LYST: variants seen among roughly 807,000 people sequenced by gnomAD.
The protein encoded by LYST is lysosomal-trafficking regulator.
In LYST, 192 loss-of-function variants were observed where a neutral mutation model predicts 413.6. The observed-to-expected ratio is 0.46, with a 90% CI of 0.41 to 0.52. The LOEUF is 0.52. Among genes scored for constraint, LYST ranks in the 20% least tolerant of loss-of-function variants. The pLI, the probability that LYST is intolerant of heterozygous loss-of-function variation, is 0.00. For missense variants in LYST, 3,815 were observed against 4,499.9 expected (o/e 0.85, Z 4.35); for synonymous variants, 1,525 against 1,567.3 (o/e 0.97, Z 0.64).
At chr1:235,722,260 T>G (rs10926498) in intron 39 of LYST, among the ~76,000 whole-genome samples, 5,646 of 152,212 alleles carry the variant, frequency 0.037, 352 homozygotes, top group African/African-American at 0.13. Flanking sequence ...TTGGAAGGAC[T>G]TTGCCTTTAA....
intron 44 of LYST, among the ~76,000 whole-genome samples, chr1:235,707,685 A>G (rs1200279298): frequency 6.6e-6 from 1 of 152,176 alleles, no homozygotes; most frequent in African/African-American, 2.4e-5. Flanking sequence ...ATTTATCTTA[A>G]GGAAGTAAAG....
chr1:235,700,418 A>T (rs1157463012), intron 45 of LYST, among the ~76,000 whole-genome samples: 1 of 152,248 alleles, frequency 6.6e-6, no homozygotes, highest in Non-Finnish European at 1.5e-5. Context: ...AAAAGTGGGC[A>T]AAGGATATGA....
intron 48 of LYST, among the ~76,000 whole-genome samples, chr1:235,685,824 C>T (rs1362339505): frequency 2.7e-5 from 4 of 147,942 alleles, no homozygotes; most frequent in African/African-American, 1.0e-4. Flanking sequence ...CTGGCCTGGG[C>T]GACAGAGTGA....
At chr1:235,858,050 A>T (rs2103140673) in intron 1 of LYST, among the ~76,000 whole-genome samples, 1 of 152,284 alleles carries the variant, frequency 6.6e-6, no homozygotes, top group East Asian at 1.9e-4. Flanking sequence ...TCCTTTCCAC[A>T]CAGAAGCTAT....
chr1:235,697,179 C>G lies in LYST; in HGVS notation c.10468G>C (p.Gly3490Arg). The change falls in exon 46 of 53, where the codon GGA becomes CGA. Residue 3490 changes from glycine (G) to arginine (R), a missense_variant. Coordinates refer to ENST00000389793, the MANE Select transcript of LYST (RefSeq NM_000081.4). ...VPVVCFSQPH[G>R]ERFGSLQALP... ...GCCTGGAGAGAGCCAAATCTTTCTC[C>G]GTGGGGCTGGCTGAAGCAGACCACA... 1 of 1,614,172 alleles carries G rather than the reference C, an allele frequency of 6.2e-7. No individual in the cohort carries two copies. Among genetic ancestry groups the G allele is most frequent in the Non-Finnish European group, 8.5e-7 (1 of 1,180,014 alleles).
chr1:235,794,068 G>A (rs1226003416), intron 10 of LYST, among the ~76,000 whole-genome samples: 3 of 151,966 alleles, frequency 2.0e-5, no homozygotes, highest in Non-Finnish European at 4.4e-5. Context: ...CCTGACCTCA[G>A]GTGATCCACC....
At chr1:235,676,038 T>C (rs779733871) in intron 50 of LYST, among the ~76,000 whole-genome samples, 3 of 152,206 alleles carry the variant, frequency 2.0e-5, no homozygotes, top group Non-Finnish European at 2.9e-5. Context: ...CCCTTAAAAA[T>C]AGAAATGCAA....
chr1:235,783,056 C>G (rs925682289), intron 14 of LYST, among the ~76,000 whole-genome samples: 1 of 152,172 alleles, frequency 6.6e-6, no homozygotes, highest in Admixed American at 6.5e-5. Context: ...AGTGAAACCA[C>G]AGAGCTCTAC....
chr1:235,864,454 A>G (rs1463655547), intron 1 of LYST, among the ~76,000 whole-genome samples: 1 of 151,812 alleles, frequency 6.6e-6, no homozygotes, highest in African/African-American at 2.4e-5. Flanking sequence ...TCTACCCTCA[A>G]TTTATCCTGA....
intron 3 of LYST, among the ~76,000 whole-genome samples, chr1:235,824,975 G>A (rs568641275): frequency 1.5e-4 from 23 of 152,094 alleles, no homozygotes; most frequent in South Asian, 4.2e-4. Flanking sequence ...AGCCAAGGTC[G>A]CGCCACTGCA....
At chr1:235,777,693 G>C (rs910078797) in intron 16 of LYST, among the ~76,000 whole-genome samples, 3 of 152,072 alleles carry the variant, frequency 2.0e-5, no homozygotes, top group Non-Finnish European at 2.9e-5. Context: ...CAATTTATTT[G>C]AAATTTTTGC....
Position 235,759,220 on chromosome 1 carries a change from G to A in LYST, c.6633C>T (p.Pro2211=), listed in dbSNP as rs750285227. ...CCCCAGGACTGTCATCTTCTGACCT[G>A]GGTTCTGCTCCCAACTGTTTATGAT... ...KADHKQLGAE[P]RSEDDSPGDE... is the part of the protein sequence containing the mutation. Residue 2211 remains proline, a synonymous_variant, in exon 23 of 53, where the codon CCC becomes CCT. Coordinates refer to ENST00000389793, the MANE Select transcript of LYST (RefSeq NM_000081.4). The A allele has an allele frequency of 1.9e-6, 3 of 1,614,004 alleles. No individual in the cohort carries two copies. The highest frequency in any genetic ancestry group is 2.7e-5 in the African/African-American group (2 of 74,914).
intron 28 of LYST, 119 bp from the exon 29 acceptor site, chr1:235,746,646 CA>C: frequency 1.4e-6 from 1 of 732,376 alleles, no homozygotes; most frequent in South Asian, 1.5e-5. Flanking sequence ...ACTACAAAGT[CA>C]ATTTATAGAA....
intron 22 of LYST, among the ~76,000 whole-genome samples, chr1:235,762,518 T>C (rs1000742015): frequency 3.3e-5 from 5 of 152,192 alleles, no homozygotes; most frequent in African/African-American, 1.2e-4. Context: ...ATGACTATGA[T>C]AAGAGAAGTC....
At position 235,820,141 on chromosome 1, in the gene LYST, A is replaced by G. The variant is rs1165063884; in HGVS notation, c.193-7080T>C. Among the ~76,000 whole-genome samples, 3 of 152,208 alleles carry G rather than the reference A, an allele frequency of 2.0e-5. No homozygotes were observed. The East Asian group carries it at 5.8e-4, about 29-fold the overall frequency. On this transcript the variant is annotated intron_variant, in intron 3 of 52. Coordinates refer to ENST00000389793, the MANE Select transcript of LYST (RefSeq NM_000081.4). ...AACTATTGTTTAGACTGGGTTTTAA[A>G]CTAATTGCCTAACCTAGCCATTCAG...
At chr1:235,740,675 G>T (rs1436221859) in intron 31 of LYST, among the ~76,000 whole-genome samples, 1 of 152,184 alleles carries the variant, frequency 6.6e-6, no homozygotes, top group African/African-American at 2.4e-5. Flanking sequence ...CAGGTATAAA[G>T]AAATCACAAT....
chr1:235,782,534 A>C (rs1669982162), intron 14 of LYST, among the ~76,000 whole-genome samples: 1 of 152,116 alleles, frequency 6.6e-6, no homozygotes, highest in Non-Finnish European at 1.5e-5. Context: ...GGGGCAAGAG[A>C]GGAGGGCTAA....
intron 1 of LYST, among the ~76,000 whole-genome samples, chr1:235,838,383 A>T (rs1676808694): frequency 6.6e-6 from 1 of 152,198 alleles, no homozygotes. Context: ...ACTCCATGGG[A>T]ATCTAGATAT....
intron 43 of LYST, 89 bp downstream of exon 43, chr1:235,711,968 G>T: frequency 2.0e-6 from 2 of 1,023,084 alleles, no homozygotes; most frequent in Non-Finnish European, 2.8e-6. Flanking sequence ...AAATTTTTAG[G>T]ACTTAAAAAA....
Sources: gnomAD v4.1 joint callset for allele counts (sites outside exome capture counted in the v4.1 genomes callset) on GRCh38, gnomAD v4.1.1 for gene constraint, MANE v1.5 for transcripts, NCBI Gene and HGNC (gene_info 2026-07-23, HGNC 2026-07-21) for gene names.